Variants in OSCAR observed in about 807,000 individuals in gnomAD.
OSCAR encodes the protein osteoclast-associated immunoglobulin-like receptor.
A neutral mutation model predicts 27.3 loss-of-function variants in OSCAR; 25 were observed. That is an observed-to-expected ratio of 0.92 (90% CI 0.67 to 1.28). OSCAR has a LOEUF of 1.28. OSCAR is among the 50% of genes most tolerant of loss of function. The pLI, the probability that OSCAR is intolerant of heterozygous loss-of-function variation, is 0.00. For missense variants in OSCAR, 354 were observed against 355.1 expected (o/e 1.00, Z 0.03); for synonymous variants, 158 against 165.7 (o/e 0.95, Z 0.36).
At chr19:54,100,605 C>G in intron 1 of OSCAR, 151 bp downstream of exon 1, 1 of 784,186 alleles carries the variant, frequency 1.3e-6, no homozygotes, top group East Asian at 2.7e-5. Flanking sequence ...CTTTAGGACC[C>G]AGGGGTCTGG....
At chr19:54,096,572 GCCTCTCTCTCTGCCTC>G (rs1219178884) in intron 3 of OSCAR, among the ~76,000 whole-genome samples, 326 of 16,924 alleles carry the variant, frequency 0.019, 10 homozygotes, top group Middle Eastern at 0.042. Flanking sequence ...CTCTCTGCCT[GCCTCTCTCTCTGCCTC>G]CCTCTCTCTC....
At chr19:54,099,913 A>G (rs2072959502) in intron 1 of OSCAR, 133 bp from the exon 2 acceptor site, 1 of 1,066,458 alleles carries the variant, frequency 9.4e-7, no homozygotes, top group African/African-American at 1.6e-5. Flanking sequence ...CCCAGGTTCA[A>G]GTGATTCTCC....
chr19:54,099,244 T>TTTTTTTTTTTTTTTTTTTTTTTTTTTTTG (rs1267618078), intron 2 of OSCAR, among the ~76,000 whole-genome samples: 1 of 133,196 alleles, frequency 7.5e-6, no homozygotes, highest in Non-Finnish European at 1.6e-5. Context: ...TTTTTTTTTT[T>TTTTTTTTTTTTTTTTTTTTTTTTTTTTTG]TTTTTTTTTA....
In OSCAR at chr19:54,095,199, C is replaced by A; in HGVS notation, c.*22G>T. The A allele has an allele frequency of 3.1e-6, 5 of 1,605,156 alleles. No individual in the cohort carries two copies. Among genetic ancestry groups the A allele is most frequent in the Non-Finnish European group, 4.3e-6 (5 of 1,175,498 alleles). On this transcript the variant is annotated 3_prime_UTR_variant, in exon 5 of 5. Transcript: ENST00000358375. ...TCTCCGCCACTCAGGTTGGAAGTCT[C>A]GGGCTGCAGTGCTCCTGGGGCTCAG...
chr19:54,099,598 G>C lies in OSCAR; in HGVS notation c.70+150C>G, dbSNP rs774122585. The stretch of plus-strand genomic sequence containing the variant: ...TGGTCTTCAGTACTCACCTATAATG[G>C]CCACTAAGGGGAATGAGAAAAGAAG... On this transcript the variant is annotated intron_variant, in intron 2 of 4. Coordinates refer to ENST00000358375, the MANE Select transcript of OSCAR (RefSeq NM_133169.6). 4.3e-6 allele frequency: 7 copies of C among 1,609,888 alleles called. No homozygotes were observed. In the Admixed American group the frequency reaches 1.2e-4, roughly 27 times the overall value.
intron 1 of OSCAR, among the ~76,000 whole-genome samples, chr19:54,100,307 TG>T (rs1436609230): frequency 2.0e-5 from 3 of 152,176 alleles, no homozygotes; most frequent in African/African-American, 7.2e-5. Flanking sequence ...CCCTCTGGCC[TG>T]GGCAACCAAG....
At chr19:54,095,807 G>A in intron 4 of OSCAR, 65 bp downstream of exon 4, 1 of 1,549,732 alleles carries the variant, frequency 6.5e-7, no homozygotes, top group East Asian at 2.4e-5. Flanking sequence ...CTGGGTCTGA[G>A]GGCGGAGGTC....
intron 4 of OSCAR, 129 bp downstream of exon 4, chr19:54,095,743 G>A: frequency 7.1e-7 from 1 of 1,412,642 alleles, no homozygotes; most frequent in Non-Finnish European, 9.6e-7. Context: ...GGGAGGAGGG[G>A]CTGCAGGACT....
chr19:54,095,994 G>A lies in OSCAR; in HGVS notation c.533C>T (p.Pro178Leu), dbSNP rs772304436. ...GCCCAGCAGCGTGAAGTCGGCCCAG[G>A]GCTGCGCGGAGTGGCGGTACTGCAG... Reference protein sequence around the residue: ...APLQYRHSAQPWADFTLLGAR... With the variant: ...APLQYRHSAQLWADFTLLGAR... The change falls in exon 4 of 5, where the codon CCC becomes CTC. Residue 178 changes from proline to leucine, a missense_variant. Transcript: ENST00000358375. The A allele has an allele frequency of 8.8e-6, 14 of 1,588,224 alleles. No individual in the cohort carries two copies. The highest frequency in any genetic ancestry group is 5.4e-5 in the Admixed American group (3 of 55,872).
At chr19:54,095,575 C>T (rs1441136162) in intron 4 of OSCAR, 1 of 1,258,250 alleles carries the variant, frequency 7.9e-7, no homozygotes, top group Non-Finnish European at 1.1e-6. Context: ...GGCCTGGAGT[C>T]CTGGGTCCAG....
At chr19:54,095,476 T>C (rs1022733853) in intron 4 of OSCAR, 119 bp from the exon 5 acceptor site, 75 of 1,452,180 alleles carry the variant, frequency 5.2e-5, no homozygotes, top group Non-Finnish European at 6.4e-5. Flanking sequence ...AGTCTCAAAG[T>C]TGAGGGGGAG....
chr19:54,097,849 C>G (rs2072836813), intron 2 of OSCAR, among the ~76,000 whole-genome samples: 1 of 151,994 alleles, frequency 6.6e-6, no homozygotes, highest in African/African-American at 2.4e-5. Flanking sequence ...AATCCTCCCA[C>G]CTCGGCCTCC....
At position 54,096,032 on chromosome 19, in the gene OSCAR, G is replaced by C; in HGVS notation, c.495C>G (p.Gly165=). The C allele has an allele frequency of 6.4e-7, 1 of 1,561,710 alleles. No individual in the cohort carries two copies. The highest frequency in any genetic ancestry group is 8.6e-7 in the Non-Finnish European group (1 of 1,156,742). ...GGCGGTACTGCAGCGGGGCCGCCAC[G>C]CCCTCGCGGTACAGCACGAAGCTCA... ...RNMSFVLYRE[G]VAAPLQYRHS... The change falls in exon 4 of 5, where the codon GGC becomes GGG. Residue 165 remains glycine, a synonymous_variant. Coordinates refer to ENST00000358375, the MANE Select transcript of OSCAR (RefSeq NM_133169.6).
At chr19:54,096,221 CCTT>C in intron 3 of OSCAR, 68 bp from the exon 4 acceptor site, 4 of 1,329,540 alleles carry the variant, frequency 3.0e-6, no homozygotes, top group South Asian at 2.9e-5. Context: ...CTCTGTTTCT[CCTT>C]CTCCTCTGTC....
chr19:54,097,516 C>A (rs2072810164), intron 2 of OSCAR, among the ~76,000 whole-genome samples: 1 of 151,170 alleles, frequency 6.6e-6, no homozygotes, highest in Admixed American at 6.6e-5. Flanking sequence ...AACTACTGGC[C>A]TCAAGCAATC....
chr19:54,095,385 C>A, intron 4 of OSCAR, 28 bp from the exon 5 acceptor site: 3 of 1,545,034 alleles, frequency 1.9e-6, no homozygotes, highest in Non-Finnish European at 2.6e-6. Flanking sequence ...AGAGAGGGGC[C>A]ATCAGCTCCC....
intron 2 of OSCAR, among the ~76,000 whole-genome samples, chr19:54,097,536 C>T (rs1461366151): frequency 6.7e-6 from 1 of 150,328 alleles, no homozygotes; most frequent in Non-Finnish European, 1.5e-5. Context: ...CCTCCCACCT[C>T]GGCCTCCCAA....
At position 54,095,087 on chromosome 19, in the gene OSCAR, C is replaced by T. The variant is rs2072556376; in HGVS notation, c.*134G>A. 3 of 1,391,486 alleles carry T rather than the reference C, an allele frequency of 2.2e-6. No homozygotes were observed. Among genetic ancestry groups the T allele is most frequent in the South Asian group, 3.0e-5 (2 of 66,296 alleles). The allele number at this position is 1,391,486 out of a possible 1,614,324, so 86.2% of individuals were successfully genotyped here. A position where few individuals can be genotyped will look rare whatever the true frequency, so the allele number is the denominator to read the frequency against. On this transcript the variant is annotated 3_prime_UTR_variant, in exon 5 of 5. Coordinates refer to ENST00000358375, the MANE Select transcript of OSCAR (RefSeq NM_133169.6). ...TGGAAAGAAGCTACAGCACAGGGCA[C>T]AGCGGGGTCTAAGGACCGTTCCGCG...
chr19:54,100,588 T>C (rs2072996322), intron 1 of OSCAR, among the ~76,000 whole-genome samples, 168 bp downstream of exon 1: 1 of 152,158 alleles, frequency 6.6e-6, no homozygotes, highest in South Asian at 2.1e-4. Flanking sequence ...GAATCTGTGT[T>C]CTCTTGCTTT....
Sources: gnomAD v4.1 joint callset for allele counts (sites outside exome capture counted in the v4.1 genomes callset) on GRCh38, gnomAD v4.1.1 for gene constraint, MANE v1.5 for transcripts, NCBI Gene and HGNC (gene_info 2026-07-23, HGNC 2026-07-21) for gene names.